The following GRK4 variants were observed in gnomAD, a reference collection of about 807,000 sequenced individuals.
The protein encoded by GRK4 is G protein-coupled receptor kinase 2-like.
A neutral mutation model predicts 77.9 loss-of-function variants in GRK4; 73 were observed. The ratio of observed to expected loss-of-function variants is 0.94; its 90% CI spans 0.78 to 1.14. The LOEUF (loss-of-function observed/expected upper bound fraction) is 1.14. GRK4 is among the 50% of genes most tolerant of loss of function. The pLI is 0.00. For synonymous variants in GRK4, 257 were observed against 254.4 expected (o/e 1.01, Z -0.10); for missense variants, 729 against 700.2 (o/e 1.04, Z -0.46).
Position 3,035,437 on chromosome 4 carries a change from G to A in GRK4, c.1321G>A (p.Ala441Thr), listed in dbSNP as rs1226159928. Residue 441 changes from alanine to threonine, a missense_variant, in exon 13 of 16, where the codon GCT becomes ACT. Ala to Thr is a moderately conservative substitution (Grantham distance 58, BLOSUM62 0). Transcript: ENST00000398052. Reference sequence around the variant, plus strand: ...GCTGGGCTGCAGGGGCGAGGGAGCGGCTGGGGTGAAGCAGCACCCCGTGTT... The same window carrying A: ...GCTGGGCTGCAGGGGCGAGGGAGCGACTGGGGTGAAGCAGCACCCCGTGTT... ...KRLGCRGEGA[A>T]GVKQHPVFKD... 3 of 1,613,720 alleles carry A rather than the reference G, an allele frequency of 1.9e-6. No homozygotes were observed. The highest frequency in any genetic ancestry group is 1.3e-5 in the African/African-American group (1 of 75,012).
Position 3,035,432 on chromosome 4 carries a change from GAGCGGCTGGGGTGA to G in GRK4, c.1320_1333del (p.Gly442ProfsTer23), listed in dbSNP as rs1740330845. On this transcript the variant is annotated frameshift_variant, in exon 13 of 16. Transcript: ENST00000398052. LOFTEE classifies it high-confidence loss of function. ...AAGCGGCTGGGCTGCAGGGGCGAGG[GAGCGGCTGGGGTGA>G]AGCAGCACCCCGTGTTCAAGGACAT... The G allele has an allele frequency of 1.9e-6, 3 of 1,613,918 alleles. 1 individual carries two copies. In the South Asian group the frequency reaches 3.3e-5, roughly 18 times the overall value.
At chr4:2,977,932 T>C (rs765290635) in intron 1 of GRK4, among the ~76,000 whole-genome samples, 3 of 152,224 alleles carry the variant, frequency 2.0e-5, no homozygotes, top group Non-Finnish European at 4.4e-5. Flanking sequence ...ATATTCTGAT[T>C]ACTCATCCCT....
Position 3,014,296 on chromosome 4 carries a change from C to CTT in GRK4, c.741+485_741+486dup, listed in dbSNP as rs60684225. Among the ~76,000 whole-genome samples, 687 of 118,952 alleles carry CTT rather than the reference C, an allele frequency of 5.8e-3. 6 individuals carry two copies. Among genetic ancestry groups the CTT allele is most frequent in the South Asian group, 0.015 (55 of 3,552 alleles). The allele number at this position is 118,952 out of a possible 152,430, so 78.0% of individuals were successfully genotyped here. On this transcript the variant is annotated intron_variant, in intron 8 of 15. Coordinates refer to ENST00000398052, the MANE Select transcript of GRK4 (RefSeq NM_182982.3). ...GAGGATACCTTCTCTCTCTCTCTCT[C>CTT]TTTTTTTTTTTTTTTTTTGACACAG...
At chr4:2,993,936 C>A (rs1727039244) in intron 4 of GRK4, among the ~76,000 whole-genome samples, 1 of 152,140 alleles carries the variant, frequency 6.6e-6, no homozygotes, top group South Asian at 2.1e-4. Flanking sequence ...ACATAGCCAA[C>A]TGGATATAGG....
rs768831199 is a variant in GRK4, at chr4:3,038,494, A to G, written c.1664A>G (p.Tyr555Cys). ...PVSRPNRGFFYRLFRRGGCLT... is the reference protein window; with the variant it reads ...PVSRPNRGFFCRLFRRGGCLT... ...TCCAGACCAAACAGAGGCTTCTTCTATAGACTCTTCAGAAGAGGGGTAAAA... is the reference window on the plus strand; with the variant it reads ...TCCAGACCAAACAGAGGCTTCTTCTGTAGACTCTTCAGAAGAGGGGTAAAA... The change falls in exon 15 of 16, where the codon TAT becomes TGT. Residue 555 changes from tyrosine to cysteine, a missense_variant. Transcript: ENST00000398052. The G allele has an allele frequency of 4.3e-6, 7 of 1,613,904 alleles. No individual in the cohort carries two copies. The South Asian group carries it at 6.6e-5, about 15-fold the overall frequency.
At chr4:2,982,226 T>C (rs1001246707) in intron 1 of GRK4, among the ~76,000 whole-genome samples, 2 of 152,220 alleles carry the variant, frequency 1.3e-5, no homozygotes, top group Non-Finnish European at 2.9e-5. Flanking sequence ...CTCCCACCTG[T>C]TCCTGGCTTC....
intron 1 of GRK4, among the ~76,000 whole-genome samples, chr4:2,974,211 G>A (rs765231695): frequency 2.0e-5 from 3 of 151,930 alleles, no homozygotes; most frequent in East Asian, 1.9e-4. Flanking sequence ...TCTCATATAC[G>A]TATATTTTAC....
At chr4:2,968,533 T>G (rs1013091771) in intron 1 of GRK4, among the ~76,000 whole-genome samples, 3 of 152,206 alleles carry the variant, frequency 2.0e-5, no homozygotes, top group Non-Finnish European at 4.4e-5. Flanking sequence ...GTGGGACTCA[T>G]TCATTCATGC....
At position 3,024,142 on chromosome 4, in the gene GRK4, C is replaced by T. The variant is rs1021755071; in HGVS notation, c.970+1691C>T. ...CTGCCCAGGTTCCCCTCCTGCGCCA[C>T]GATCTGAAAGGCACTCCCGGGTGGG... On this transcript the variant is annotated intron_variant, in intron 10 of 15. Transcript: ENST00000398052. 2.6e-5 allele frequency among the ~76,000 whole-genome samples: 4 copies of T among 152,216 alleles called. No individual in the cohort carries two copies. In the East Asian group the frequency reaches 7.7e-4, roughly 29 times the overall value.
intron 5 of GRK4, among the ~76,000 whole-genome samples, chr4:3,006,672 G>C (rs1175991365): frequency 6.6e-6 from 1 of 152,136 alleles, no homozygotes; most frequent in Non-Finnish European, 1.5e-5. Context: ...TATTCAGAAG[G>C]CTGAGGTGGG....
At chr4:2,975,968 T>C (rs1721015900) in intron 1 of GRK4, among the ~76,000 whole-genome samples, 1 of 152,164 alleles carries the variant, frequency 6.6e-6, no homozygotes, top group Non-Finnish European at 1.5e-5. Context: ...GAGAGATACA[T>C]AGTAGCCAAA....
intron 13 of GRK4, among the ~76,000 whole-genome samples, chr4:3,037,044 G>GGTGTGTGT (rs1271637092): frequency 0.27 from 38,587 of 143,876 alleles, 5,153 homozygotes; most frequent in South Asian, 0.46. Context: ...CCTCAGGAGG[G>GGTGTGTGT]GTGTGTGTGT....
chr4:3,019,764 G>C lies in GRK4; in HGVS notation c.865G>C (p.Ala289Pro). The change falls in exon 9 of 16, where the codon GCC (alanine) becomes CCC (proline). Residue 289 changes from alanine to proline, a missense_variant. Physicochemically the swap from Ala to Pro is conservative, Grantham distance 27. Coordinates refer to ENST00000398052, the MANE Select transcript of GRK4 (RefSeq NM_182982.3). ...LGNPGFDEQRAVFYAAELCCG... is the reference protein window; with the variant it reads ...LGNPGFDEQRPVFYAAELCCG... ...CAATCCCGGCTTTGATGAGCAGAGA[G>C]CCGTTTTCTATGCTGCAGAGCTGTG... 1 of 1,614,164 alleles carries C rather than the reference G, an allele frequency of 6.2e-7. No individual in the cohort carries two copies. Among genetic ancestry groups the C allele is most frequent in the Non-Finnish European group, 8.5e-7 (1 of 1,180,018 alleles).
chr4:3,002,600 C>T (rs765620941), intron 4 of GRK4, among the ~76,000 whole-genome samples: 1 of 151,966 alleles, frequency 6.6e-6, no homozygotes, highest in East Asian at 1.9e-4. Flanking sequence ...GCTGCTTGGG[C>T]GGCTGAGGCA....
At position 2,990,727 on chromosome 4, in the gene GRK4, A is replaced by C. The variant is rs140942202; in HGVS notation, c.262-1488A>C. ...CCTTACGTTAAAATAGCTAAACTGC[A>C]TTGTTGAAACTCTGTTTTAGGTTTC... On this transcript the variant is annotated intron_variant, in intron 3 of 15. Coordinates refer to ENST00000398052, the MANE Select transcript of GRK4 (RefSeq NM_182982.3). 4.2e-4 allele frequency among the ~76,000 whole-genome samples: 64 copies of C among 152,314 alleles called. No homozygotes were observed. In the East Asian group the frequency reaches 0.011, roughly 25 times the overall value.
At chr4:2,970,680 T>C (rs1719263073) in intron 1 of GRK4, among the ~76,000 whole-genome samples, 1 of 151,804 alleles carries the variant, frequency 6.6e-6, no homozygotes, top group South Asian at 2.1e-4. Context: ...AATGTTCTTT[T>C]TTTTTGGGGG....
At chr4:2,973,568 A>T (rs1720207380) in intron 1 of GRK4, among the ~76,000 whole-genome samples, 1 of 152,124 alleles carries the variant, frequency 6.6e-6, no homozygotes, top group Non-Finnish European at 1.5e-5. Flanking sequence ...GTTAATGCTC[A>T]TGTAGCTGCA....
intron 10 of GRK4, among the ~76,000 whole-genome samples, chr4:3,023,739 C>A (rs754718113): frequency 6.6e-6 from 1 of 152,190 alleles, no homozygotes; most frequent in African/African-American, 2.4e-5. Flanking sequence ...TGCTCACTTA[C>A]TGAGTTGTTA....
intron 10 of GRK4, among the ~76,000 whole-genome samples, chr4:3,025,306 C>T (rs917412415): frequency 5.3e-5 from 8 of 150,328 alleles, no homozygotes; most frequent in African/African-American, 1.9e-4. Context: ...CAGTATCATT[C>T]CCTTCTGTGC....
Sources: allele counts gnomAD v4.1 joint callset (sites outside exome capture counted in the v4.1 genomes callset), GRCh38; gene constraint gnomAD v4.1.1; transcripts MANE v1.5; gene names NCBI Gene and HGNC (gene_info 2026-07-23, HGNC 2026-07-21).